Variants in SLC34A3 observed in about 807,000 individuals in gnomAD.
SLC34A3 encodes the protein sodium-dependent phosphate transport protein 2C.
SLC34A3 carries 60 observed loss-of-function variants against 43.9 expected under a neutral mutation model. That is an observed-to-expected ratio of 1.37 (90% CI 1.11 to 1.70). SLC34A3 has a LOEUF of 1.70. SLC34A3 is among the 40% of genes most tolerant of loss of function. The probability of loss-of-function intolerance (pLI) is 0.00; values close to 1 mark genes in which losing one functional copy is unlikely to be tolerated. For synonymous variants in SLC34A3, 451 were observed against 386.2 expected, an observed-to-expected ratio of 1.17 and a Z score of -1.97; for missense variants, 969 against 823.8, an observed-to-expected ratio of 1.18 and a Z score of -2.16.
chr9:137,232,794 C>G lies in SLC34A3; in HGVS notation c.315C>G (p.Ala105=). The change falls in exon 5 of 13, where the codon GCC becomes GCG. Residue 105 remains alanine (A), a synonymous_variant. Coordinates refer to ENST00000673835, the MANE Select transcript of SLC34A3 (RefSeq NM_001177316.2). ...CTCTTGCCGGTGTAGGCAAAGTGGCCGGAGACATCTTCAAGGACAACGTGG... is the reference window on the plus strand; with the variant it reads ...CTCTTGCCGGTGTAGGCAAAGTGGCGGGAGACATCTTCAAGGACAACGTGG... ...SAFQLLGSKV[A]GDIFKDNVVL... 6.2e-7 allele frequency: 1 copy of G among 1,613,054 alleles called. No homozygotes were observed. The highest frequency in any genetic ancestry group is 8.5e-7 in the Non-Finnish European group (1 of 1,180,008).
rs765125107 is a variant in SLC34A3, at chr9:137,236,140, G to A, written c.1524G>A (p.Leu508=). Residue 508 remains leucine, a synonymous_variant, in exon 13 of 13, where the codon CTG becomes CTA. Transcript: ENST00000673835. The part of the protein sequence containing the change: ...LLPLAAFGLS[L]AGGMELAAVG... ...CCCTGGCGGCCTTCGGGCTCTCCCT[G>A]GCAGGGGGCATGGAGCTGGCCGCTG... 2.5e-6 allele frequency: 4 copies of A among 1,610,728 alleles called. No individual in the cohort carries two copies. The highest frequency in any genetic ancestry group is 3.4e-6 in the Non-Finnish European group (4 of 1,179,350).
rs753565811 is a variant in SLC34A3 at position 137,234,642 on chromosome 9, C to T, written c.1246C>T (p.Leu416Phe). Residue 416 changes from leucine (L) to phenylalanine (F), a missense_variant, in exon 12 of 13, where the codon CTC (leucine) becomes TTC (phenylalanine). Transcript: ENST00000673835. This position sits in a 1 kb window ranked among gnomAD's most constrained non-coding sequence, Gnocchi z 6.9. ...GVISLDRAYP[L>F]LLGSNIGTTT... ...GATCAGTCTGGACCGGGCGTACCCC[C>T]TCTTACTGGGCTCCAACATCGGCAC... The T allele has an allele frequency of 1.2e-6, 2 of 1,612,290 alleles. No individual in the cohort carries two copies. Among genetic ancestry groups the T allele is most frequent in the Non-Finnish European group, 1.7e-6 (2 of 1,179,722 alleles).
Position 137,233,200 on chromosome 9 carries a change from C to G in SLC34A3, c.561-9C>G, listed in dbSNP as rs1469811548. On this transcript the variant is annotated splice_polypyrimidine_tract_variant and intron_variant, in intron 6 of 12. Transcript: ENST00000673835. ...CCCACCTGACCCTGCCCACTCTCTG[C>G]GGCCACAGGGCTTTCAGCGGCTCGG... is the stretch of plus-strand genomic sequence containing the variant. 1 of 1,572,880 alleles carries G rather than the reference C, an allele frequency of 6.4e-7. No individual in the cohort carries two copies. The highest frequency in any genetic ancestry group is 8.6e-7 in the Non-Finnish European group (1 of 1,159,778).
intron 7 of SLC34A3, 28 bp downstream of exon 7, chr9:137,233,432 A>T: frequency 6.3e-7 from 1 of 1,592,194 alleles, no homozygotes; most frequent in Non-Finnish European, 8.5e-7. Context: ...CCCCGCCCAG[A>T]GAGCCTGAGC....
upstream of SLC34A3, among the ~76,000 whole-genome samples, chr9:137,230,593 T>A (rs900825373): frequency 2.0e-5 from 3 of 151,846 alleles, no homozygotes; most frequent in African/African-American, 7.3e-5. Context: ...CTGGGTGGAG[T>A]GTGTCTCTTG....
Position 137,236,176 on chromosome 9 carries a change from CCTGGTGGGG to C in SLC34A3, c.1567_1575del (p.Gly523_Val525del). The stretch of plus-strand genomic sequence containing the variant: ...TGGAGCTGGCCGCTGTCGGGGGTCC[CCTGGTGGGG>C]CTGGTGCTCCTCGTCATCCTGGTTA... On this transcript the variant is annotated inframe_deletion, in exon 13 of 13. Coordinates refer to ENST00000673835, the MANE Select transcript of SLC34A3 (RefSeq NM_001177316.2). 1 of 1,606,136 alleles carries C rather than the reference CCTGGTGGGG, an allele frequency of 6.2e-7. No homozygotes were observed.
At chr9:137,233,824 C>T in intron 8 of SLC34A3, 39 bp from the exon 9 acceptor site, 11 of 1,134,502 alleles carry the variant, frequency 9.7e-6, no homozygotes, top group African/African-American at 1.7e-5. Context: ...CCTCTGTCTG[C>T]CCACTGAGCC....
rs113568956 is a variant in SLC34A3, at chr9:137,234,462, C to G, written c.1140C>G (p.Leu380=). 5.0e-6 allele frequency: 8 copies of G among 1,599,206 alleles called. No homozygotes were observed. Among genetic ancestry groups the G allele is most frequent in the Non-Finnish European group, 2.5e-6 (3 of 1,179,212 alleles). The stretch of plus-strand genomic sequence containing the variant: ...GGCTCGGCGGCTACCTGGCCGTCCT[C>G]GCGGGCGCCGGCCTGACCTTCGCAC... ...LGWLGGYLAV[L]AGAGLTFALQ... The change falls in exon 11 of 13, where the codon CTC becomes CTG. Residue 380 remains leucine, a synonymous_variant. Transcript: ENST00000673835. This position sits in a 1 kb window ranked among gnomAD's most constrained non-coding sequence, Gnocchi z 6.9.
chr9:137,231,677 C>G lies in SLC34A3; in HGVS notation c.-26C>G. The G allele has an allele frequency of 6.2e-7, 1 of 1,603,278 alleles. No individual in the cohort carries two copies. ...CCCCCCCAGCAGATCTAGACCTGGG[C>G]CTGGGTCTGTCCCTGCCCGAAATCC... On this transcript the variant is annotated 5_prime_UTR_variant, in exon 2 of 13. Coordinates refer to ENST00000673835, the MANE Select transcript of SLC34A3 (RefSeq NM_001177316.2).
In SLC34A3 at chr9:137,232,632, G is replaced by A; in HGVS notation, c.233G>A (p.Gly78Glu). The change falls in exon 4 of 13, where the codon GGG (glycine) becomes GAG (glutamate). Residue 78 changes from glycine to glutamate, a missense_variant. Transcript: ENST00000673835. ...GCCGGCAGCGTCCTCAAGGCCTGCGGGCTCCTCGGCAGCCTGTACTTCTTC... is the reference window on the plus strand; with the variant it reads ...GCCGGCAGCGTCCTCAAGGCCTGCGAGCTCCTCGGCAGCCTGTACTTCTTC... Reference protein sequence around the residue: ...RVAGSVLKACGLLGSLYFFIC... With the variant: ...RVAGSVLKACELLGSLYFFIC... 2 of 1,612,700 alleles carry A rather than the reference G, an allele frequency of 1.2e-6. No individual in the cohort carries two copies. The highest frequency in any genetic ancestry group is 1.7e-6 in the Non-Finnish European group (2 of 1,179,892).
intron 3 of SLC34A3, 139 bp downstream of exon 3, chr9:137,232,300 C>A: frequency 1.1e-6 from 1 of 884,898 alleles, no homozygotes; most frequent in Admixed American, 2.1e-5. Context: ...TGGGGAGACA[C>A]GTGTCCCTCA....
chr9:137,233,779 T>TTGCCCCCCCCCCCCCCCCCCCCCCCCCC, intron 8 of SLC34A3, 57 bp downstream of exon 8: 2 of 1,445,808 alleles, frequency 1.4e-6, no homozygotes, highest in Non-Finnish European at 9.6e-7. Context: ...TGCTGAGTCA[T>TTGCCCCCCCCCCCCCCCCCCCCCCCCCC]CCCGCCCCAC....
chr9:137,234,354 C>T lies in SLC34A3; in HGVS notation c.1094-62C>T. 1 of 1,599,984 alleles carries T rather than the reference C, an allele frequency of 6.3e-7. No homozygotes were observed. Among genetic ancestry groups the T allele is most frequent in the Non-Finnish European group, 8.5e-7 (1 of 1,178,480 alleles). On this transcript the variant is annotated intron_variant, in intron 10 of 12. Transcript: ENST00000673835. The surrounding 1 kb of genome is among the most constrained non-coding windows in gnomAD (Gnocchi z 6.9). ...AGACTTCCCCTTCCCACCAGGCTGACTCGGGGGCTACCTGGCCCTCCTTGT... is the reference window on the plus strand; with the variant it reads ...AGACTTCCCCTTCCCACCAGGCTGATTCGGGGGCTACCTGGCCCTCCTTGT...
Position 137,234,641 on chromosome 9 carries a change from C to T in SLC34A3, c.1245C>T (p.Pro415=). ...VGVISLDRAY[P]LLLGSNIGTT... is the part of the protein sequence containing the mutation. Reference sequence around the variant, plus strand: ...TGATCAGTCTGGACCGGGCGTACCCCCTCTTACTGGGCTCCAACATCGGCA... The same window carrying T: ...TGATCAGTCTGGACCGGGCGTACCCTCTCTTACTGGGCTCCAACATCGGCA... Residue 415 remains proline (P), a synonymous_variant, in exon 12 of 13, where the codon CCC becomes CCT. Transcript: ENST00000673835. The surrounding 1 kb of genome is among the most constrained non-coding windows in gnomAD (Gnocchi z 6.9). 1 of 1,612,512 alleles carries T rather than the reference C, an allele frequency of 6.2e-7. No individual in the cohort carries two copies. Among genetic ancestry groups the T allele is most frequent in the Non-Finnish European group, 8.5e-7 (1 of 1,179,898 alleles).
chr9:137,236,085 T>C lies in SLC34A3; in HGVS notation c.1469T>C (p.Val490Ala). 1.9e-6 allele frequency: 3 copies of C among 1,612,326 alleles called. No individual in the cohort carries two copies. The highest frequency in any genetic ancestry group is 2.5e-6 in the Non-Finnish European group (3 of 1,179,838). ...GCCCGTTACCGCTGGGTGGCTGGGG[T>C]CTACCTGCTGCTCGGATTCCTGCTG... Reference protein sequence around the residue: ...VTARYRWVAGVYLLLGFLLLP... With the variant: ...VTARYRWVAGAYLLLGFLLLP... The change falls in exon 13 of 13, where the codon GTC becomes GCC. Residue 490 changes from valine to alanine, a missense_variant. Coordinates refer to ENST00000673835, the MANE Select transcript of SLC34A3 (RefSeq NM_001177316.2).
In SLC34A3 at chr9:137,234,890, T is replaced by C. The variant is rs1342489930; in HGVS notation, c.1335+159T>C. 6.6e-6 allele frequency among the ~76,000 whole-genome samples: 1 copy of C among 152,254 alleles called. No homozygotes were observed. Among genetic ancestry groups the C allele is most frequent in the Middle Eastern group, 3.4e-3 (1 of 294 alleles). ...CCTCAGCCCTGCTGCTCTGCCTCCT[T>C]GGACCCCACAGGTCCTGCACACATT... On this transcript the variant is annotated intron_variant, in intron 12 of 12. Transcript: ENST00000673835. This position sits in a 1 kb window ranked among gnomAD's most constrained non-coding sequence, Gnocchi z 6.9.
chr9:137,233,779 T>TTGGCGCCCCCCCCCCCCCCCCCCCCCCC, intron 8 of SLC34A3, 57 bp downstream of exon 8: 1 of 1,445,826 alleles, frequency 6.9e-7, no homozygotes, highest in Non-Finnish European at 9.6e-7. Flanking sequence ...TGCTGAGTCA[T>TTGGCGCCCCCCCCCCCCCCCCCCCCCCC]CCCGCCCCAC....
In SLC34A3 at chr9:137,234,622, G is replaced by C. The variant is rs1836480655; in HGVS notation, c.1226G>C (p.Ser409Thr). Reference sequence around the variant, plus strand: ...GTTCCCCCAGGGGTCGGGGTGATCAGTCTGGACCGGGCGTACCCCCTCTTA... The same window carrying C: ...GTTCCCCCAGGGGTCGGGGTGATCACTCTGGACCGGGCGTACCCCCTCTTA... ...VVPLMGVGVISLDRAYPLLLG... is the reference protein window; with the variant it reads ...VVPLMGVGVITLDRAYPLLLG... Residue 409 changes from serine (S) to threonine (T), a missense_variant, in exon 12 of 13, where the codon AGT (serine) becomes ACT (threonine). Ser to Thr is a moderately conservative substitution (Grantham distance 58). Transcript: ENST00000673835. The surrounding 1 kb of genome is among the most constrained non-coding windows in gnomAD (Gnocchi z 6.9). The C allele has an allele frequency of 6.2e-7, 1 of 1,612,368 alleles. No homozygotes were observed. The highest frequency in any genetic ancestry group is 1.7e-5 in the Admixed American group (1 of 59,992).
intron 12 of SLC34A3, among the ~76,000 whole-genome samples, chr9:137,235,115 A>T (rs1022637980): frequency 6.7e-6 from 1 of 149,778 alleles, no homozygotes; most frequent in Non-Finnish European, 1.5e-5. Context: ...CATCTGGACG[A>T]CCCTCCCAGC....
Sources: allele counts gnomAD v4.1 joint callset (sites outside exome capture counted in the v4.1 genomes callset), GRCh38; gene constraint gnomAD v4.1.1; non-coding constraint Gnocchi (gnomAD v3.1); transcripts MANE v1.5; gene names NCBI Gene and HGNC (gene_info 2026-07-23, HGNC 2026-07-21).